Variants in LCLAT1 observed in about 807,000 individuals in gnomAD.
The protein encoded by LCLAT1 is lysocardiolipin acyltransferase 1.
LCLAT1 carries 11 observed loss-of-function variants against 30.7 expected under a neutral mutation model. That is an observed-to-expected ratio of 0.36 (90% CI 0.23 to 0.59). LCLAT1 has a LOEUF of 0.59. Ranked by LOEUF, LCLAT1 falls within the 20% of genes least tolerant of loss-of-function variation. LCLAT1 has a pLI of 0.77. For synonymous variants in LCLAT1, 155 were observed against 151.3 expected (o/e 1.02, Z -0.18); for missense variants, 402 against 458.6 (o/e 0.88, Z 1.13).
chr2:30,589,936 G>T lies in LCLAT1; in HGVS notation c.628+21760G>T, dbSNP rs1466726425. Among the ~76,000 whole-genome samples, 4 of 152,092 alleles carry T rather than the reference G, an allele frequency of 2.6e-5. No homozygotes were observed. The South Asian group carries it at 6.2e-4, about 24-fold the overall frequency. On this transcript the variant is annotated intron_variant, in intron 5 of 5. Coordinates refer to ENST00000379509, the MANE Select transcript of LCLAT1 (RefSeq NM_001002257.3). ...AAGGGTAAATCAAAGCATCCAAGAG[G>T]TGATTTAGACTAAGTTTTTCTTCCT...
chr2:30,477,519 C>G (rs1021083972), intron 1 of LCLAT1, among the ~76,000 whole-genome samples: 1 of 152,198 alleles, frequency 6.6e-6, no homozygotes, highest in Admixed American at 6.5e-5. Context: ...TCCAAAGTAT[C>G]TGTATATAGC....
intron 3 of LCLAT1, among the ~76,000 whole-genome samples, chr2:30,533,768 A>G (rs1276601325): frequency 1.1e-4 from 16 of 152,204 alleles, no homozygotes; most frequent in Admixed American, 1.0e-3. Context: ...TCCCCAATCT[A>G]TAACTTTTTT....
intron 3 of LCLAT1, among the ~76,000 whole-genome samples, chr2:30,535,276 A>G (rs1686187883): frequency 6.6e-6 from 1 of 152,196 alleles, no homozygotes; most frequent in Admixed American, 6.5e-5. Context: ...TTATGAAGAG[A>G]AATAAATTCC....
intron 3 of LCLAT1, 91 bp from the exon 4 acceptor site, chr2:30,562,055 G>A (rs143382745): frequency 1.4e-5 from 12 of 863,298 alleles, no homozygotes; most frequent in Non-Finnish European, 2.0e-5. Flanking sequence ...ATAATATATA[G>A]TAAAACCAGA....
intron 3 of LCLAT1, among the ~76,000 whole-genome samples, chr2:30,560,849 C>T (rs975531780): frequency 6.6e-6 from 1 of 152,110 alleles, no homozygotes; most frequent in African/African-American, 2.4e-5. Flanking sequence ...GAGGTGGATC[C>T]GTAGACTGGC....
chr2:30,522,560 T>C (rs1426964111), intron 1 of LCLAT1, among the ~76,000 whole-genome samples: 1 of 152,198 alleles, frequency 6.6e-6, no homozygotes, highest in African/African-American at 2.4e-5. Context: ...GCTTTGCAAT[T>C]TCTGTCATAT....
chr2:30,594,708 A>ATCTT (rs2148482427), intron 5 of LCLAT1, among the ~76,000 whole-genome samples: 1 of 152,306 alleles, frequency 6.6e-6, no homozygotes, highest in East Asian at 1.9e-4. Context: ...TAAAATTGTA[A>ATCTT]TCTTTTTTTC....
At chr2:30,586,241 CAA>C (rs148993331) in intron 5 of LCLAT1, among the ~76,000 whole-genome samples, 21 of 77,756 alleles carry the variant, frequency 2.7e-4, no homozygotes, top group East Asian at 2.5e-3. Context: ...GACTCCGTCT[CAA>C]AAAAAAAAAA....
chr2:30,488,672 C>G (rs1456099989), intron 1 of LCLAT1, among the ~76,000 whole-genome samples: 3 of 152,206 alleles, frequency 2.0e-5, no homozygotes, highest in African/African-American at 7.2e-5. Context: ...ATTCCAGATT[C>G]CTACCACCTA....
chr2:30,535,373 G>A (rs141087931), intron 3 of LCLAT1, among the ~76,000 whole-genome samples: 1 of 152,224 alleles, frequency 6.6e-6, no homozygotes, highest in African/African-American at 2.4e-5. Context: ...ATGCACCTGG[G>A]GCTTGCTGGC....
At chr2:30,551,557 A>G (rs779198168) in intron 3 of LCLAT1, among the ~76,000 whole-genome samples, 1 of 152,214 alleles carries the variant, frequency 6.6e-6, no homozygotes, top group African/African-American at 2.4e-5. Flanking sequence ...TACTACAAAT[A>G]TAGAGTGGTT....
intron 1 of LCLAT1, among the ~76,000 whole-genome samples, chr2:30,455,581 C>T (rs967986739): frequency 3.3e-5 from 5 of 152,028 alleles, no homozygotes; most frequent in African/African-American, 1.2e-4. Flanking sequence ...TATGGCCTTC[C>T]TTCTCCACTT....
chr2:30,502,024 G>A (rs546007439), intron 1 of LCLAT1, among the ~76,000 whole-genome samples: 11 of 152,276 alleles, frequency 7.2e-5, no homozygotes, highest in Admixed American at 5.2e-4. Flanking sequence ...ATGTTGCTGG[G>A]ATATTTTTTG....
At chr2:30,503,131 A>G (rs1035864783) in intron 1 of LCLAT1, among the ~76,000 whole-genome samples, 6 of 152,248 alleles carry the variant, frequency 3.9e-5, no homozygotes, top group Admixed American at 6.5e-5. Context: ...GGTAACATCC[A>G]GGTCATTGCC....
intron 5 of LCLAT1, among the ~76,000 whole-genome samples, chr2:30,625,951 T>C (rs1668486955): frequency 6.6e-6 from 1 of 152,212 alleles, no homozygotes; most frequent in African/African-American, 2.4e-5. Context: ...CTGTGTGCAC[T>C]GATAAACTGT....
chr2:30,494,868 G>A (rs1220062384), intron 1 of LCLAT1, among the ~76,000 whole-genome samples: 1 of 150,730 alleles, frequency 6.6e-6, no homozygotes, highest in African/African-American at 2.4e-5. Flanking sequence ...TTCTGTTTGG[G>A]GGGTGGAGGG....
At chr2:30,536,244 C>A (rs963140916) in intron 3 of LCLAT1, among the ~76,000 whole-genome samples, 6 of 152,128 alleles carry the variant, frequency 3.9e-5, no homozygotes, top group Non-Finnish European at 4.4e-5. Context: ...TAGCTGAAAA[C>A]TTTCCAAGTC....
chr2:30,596,101 C>T (rs567667071), intron 5 of LCLAT1, among the ~76,000 whole-genome samples: 198 of 152,160 alleles, frequency 1.3e-3, no homozygotes, highest in African/African-American at 4.4e-3. Context: ...TAAATACATG[C>T]GTGCATGTAT....
intron 1 of LCLAT1, among the ~76,000 whole-genome samples, chr2:30,466,686 C>T (rs2148283535): frequency 6.6e-6 from 1 of 151,254 alleles, no homozygotes; most frequent in African/African-American, 2.4e-5. Flanking sequence ...ATTAAAAATG[C>T]AGATATTCCA....
Sources: gnomAD v4.1 joint callset for allele counts (sites outside exome capture counted in the v4.1 genomes callset) on GRCh38, gnomAD v4.1.1 for gene constraint, MANE v1.5 for transcripts, NCBI Gene and HGNC (gene_info 2026-07-23, HGNC 2026-07-21) for gene names.